The following AFAP1L2 variants were observed in gnomAD, a reference collection of about 807,000 sequenced individuals.
The protein encoded by AFAP1L2 is actin filament-associated protein 1-like 2.
In AFAP1L2, 46 loss-of-function variants were observed where a neutral mutation model predicts 99.3. That is an observed-to-expected ratio of 0.46 (90% CI 0.37 to 0.59). The LOEUF (loss-of-function observed/expected upper bound fraction) is 0.59. Ranked by LOEUF, AFAP1L2 falls within the 20% of genes least tolerant of loss-of-function variation. The pLI is 0.00. For synonymous variants in AFAP1L2, 397 were observed against 419.1 expected, an observed-to-expected ratio of 0.95 and a Z score of 0.64; for missense variants, 959 against 1,034.9, an observed-to-expected ratio of 0.93 and a Z score of 1.01.
chr10:114,342,040 G>T (rs767772142), intron 1 of AFAP1L2, among the ~76,000 whole-genome samples: 9 of 152,198 alleles, frequency 5.9e-5, no homozygotes, highest in Non-Finnish European at 1.3e-4. Flanking sequence ...CAAGTGTGAG[G>T]CTTGACCGCT....
intron 1 of AFAP1L2, among the ~76,000 whole-genome samples, chr10:114,350,413 G>C (rs1025670248): frequency 6.6e-6 from 1 of 152,158 alleles, no homozygotes; most frequent in African/African-American, 2.4e-5. Flanking sequence ...TATATCTTCT[G>C]GTTTGATTTC....
intron 7 of AFAP1L2, among the ~76,000 whole-genome samples, chr10:114,312,663 G>C (rs1046615978): frequency 6.6e-6 from 1 of 152,220 alleles, no homozygotes; most frequent in Non-Finnish European, 1.5e-5. Context: ...TGAACTCAGA[G>C]CCCTGGCTCT....
intron 1 of AFAP1L2, among the ~76,000 whole-genome samples, chr10:114,374,476 CGAGA>C (rs1434407895): frequency 1.3e-5 from 2 of 152,082 alleles, no homozygotes; most frequent in Non-Finnish European, 2.9e-5. Context: ...CCCAGCTGAG[CGAGA>C]GAGACTCCCC....
At chr10:114,322,462 T>C (rs1161445844) in intron 5 of AFAP1L2, among the ~76,000 whole-genome samples, 1 of 152,192 alleles carries the variant, frequency 6.6e-6, no homozygotes, top group Non-Finnish European at 1.5e-5. Flanking sequence ...CTTTTGCAGA[T>C]ACCATGTTCT....
the AFAP1L2 span, among the ~76,000 whole-genome samples, chr10:114,287,601 C>A: frequency 3.9e-5 from 6 of 152,268 alleles, no homozygotes; most frequent in African/African-American, 1.4e-4. Context: ...TCCTGTAAGG[C>A]GGAAGGACAG....
chr10:114,335,481 T>C (rs141377068), intron 2 of AFAP1L2, among the ~76,000 whole-genome samples: 2,032 of 151,788 alleles, frequency 0.013, 26 homozygotes, highest in Middle Eastern at 0.027. Context: ...GGTGTAGTGG[T>C]GGGCGCCTGT....
chr10:114,305,765 T>G (rs1243335178), intron 10 of AFAP1L2, among the ~76,000 whole-genome samples: 60 of 21,052 alleles, frequency 2.9e-3, no homozygotes, highest in South Asian at 5.7e-3. Flanking sequence ...CGTACAGGAC[T>G]GGTCGGGGCT....
chr10:114,333,687 T>C (rs1390937091), intron 2 of AFAP1L2, among the ~76,000 whole-genome samples: 1 of 152,150 alleles, frequency 6.6e-6, no homozygotes, highest in Non-Finnish European at 1.5e-5. Context: ...GCATGGTAGC[T>C]ATAATCCTAG....
chr10:114,282,476 A>G, the AFAP1L2 span: 2 of 1,562,032 alleles, frequency 1.3e-6, no homozygotes, highest in East Asian at 4.5e-5. Context: ...CTCCCCTTAC[A>G]CCTCTGATCT....
chr10:114,299,191 T>C, intron 16 of AFAP1L2, 69 bp downstream of exon 16: 1 of 1,581,842 alleles, frequency 6.3e-7, no homozygotes, highest in Non-Finnish European at 8.6e-7. Context: ...CAGCCAGATC[T>C]TCCGCCAAAA....
intron 6 of AFAP1L2, among the ~76,000 whole-genome samples, chr10:114,314,883 C>T (rs912279917): frequency 3.9e-5 from 6 of 152,314 alleles, no homozygotes; most frequent in Admixed American, 3.3e-4. Flanking sequence ...TGGCTCACGC[C>T]TGTAAACCCA....
rs550891333 is a variant in AFAP1L2, at chr10:114,296,637, G to A, written c.2430+341C>T. ...GTTTTAATGGTAGAAGTCCTGTGGA[G>A]TCACTGACTGACTTTTTGGTTTGAA... On this transcript the variant is annotated intron_variant, in intron 18 of 18. Transcript: ENST00000304129. 3.6e-4 allele frequency: 102 copies of A among 286,512 alleles called. 2 individuals carry two copies. In the South Asian group the frequency reaches 4.4e-3, roughly 12 times the overall value. The allele number at this position is 286,512 out of a possible 1,614,324, so 17.7% of individuals were successfully genotyped here.
intron 1 of AFAP1L2, among the ~76,000 whole-genome samples, chr10:114,371,154 G>A (rs1055272880): frequency 1.3e-5 from 2 of 152,198 alleles, no homozygotes; most frequent in African/African-American, 4.8e-5. Context: ...CCAAGCTGGA[G>A]CTGCTCCTTC....
chr10:114,302,391 C>A lies in AFAP1L2; in HGVS notation c.1378G>T (p.Val460Leu). 1 of 1,614,174 alleles carries A rather than the reference C, an allele frequency of 6.2e-7. No homozygotes were observed. Among genetic ancestry groups the A allele is most frequent in the Non-Finnish European group, 8.5e-7 (1 of 1,180,030 alleles). Residue 460 changes from valine to leucine, a missense_variant, in exon 12 of 19, where the codon GTG (valine) becomes TTG (leucine). Val to Leu is a conservative substitution (Grantham distance 32). Transcript: ENST00000304129. ...TDPEEFTYDY[V>L]DADRVSCIVS... ...ATACAGGAGACCCTATCGGCATCCA[C>A]ATAGTCGTAGGTGAACTCTTCTGGG...
At chr10:114,297,500 C>G in intron 16 of AFAP1L2, 87 bp from the exon 17 acceptor site, 1 of 1,373,104 alleles carries the variant, frequency 7.3e-7, no homozygotes, top group African/African-American at 1.4e-5. Context: ...GTCTACATAC[C>G]CCGCCACCCG....
Position 114,340,527 on chromosome 10 carries a change from C to G in AFAP1L2, c.145+76G>C, listed in dbSNP as rs1459002746. On this transcript the variant is annotated intron_variant, in intron 2 of 18. Coordinates refer to ENST00000304129, the MANE Select transcript of AFAP1L2 (RefSeq NM_001001936.3). ...ATAGCACCCAGCCTGTGATCCTTAGCTATGGCAGCCCGCACTGACTCACAA... is the reference window on the plus strand; with the variant it reads ...ATAGCACCCAGCCTGTGATCCTTAGGTATGGCAGCCCGCACTGACTCACAA... The G allele has an allele frequency of 9.2e-6, 14 of 1,517,196 alleles. 1 individual carries two copies. The South Asian group carries it at 1.8e-4, about 20-fold the overall frequency. The allele number at this position is 1,517,196 out of a possible 1,614,324, so 94.0% of individuals were successfully genotyped here. A position where few individuals can be genotyped will look rare whatever the true frequency, so the allele number is the denominator to read the frequency against.
At position 114,331,826 on chromosome 10, in the gene AFAP1L2, G is replaced by A; in HGVS notation, c.292C>T (p.Pro98Ser). 3 of 1,395,012 alleles carry A rather than the reference G, an allele frequency of 2.2e-6. No individual in the cohort carries two copies. Among genetic ancestry groups the A allele is most frequent in the Non-Finnish European group, 1.9e-6 (2 of 1,066,302 alleles). The allele number at this position is 1,395,012 out of a possible 1,614,324, so 86.4% of individuals were successfully genotyped here. Residue 98 changes from proline to serine, a missense_variant, in exon 4 of 19, where the codon CCA (proline) becomes TCA (serine). By Grantham distance (74) the Pro-to-Ser change is moderately conservative. This residue lies in a region of AFAP1L2 where 383 missense variants were observed against 472.8 expected (regional missense o/e 0.81). Coordinates refer to ENST00000304129, the MANE Select transcript of AFAP1L2 (RefSeq NM_001001936.3). ...ACCATCTTGGGTGGCGGGAGGTCTG[G>A]AAGGCTCTTCTGAGGGGCCGAGGAG... ...QHSSAPQKSL[P>S]DLPPPKMIPE... is the part of the protein sequence containing the mutation.
chr10:114,402,663 TGAGA>T (rs1474961049), intron 1 of AFAP1L2, among the ~76,000 whole-genome samples: 1 of 152,190 alleles, frequency 6.6e-6, no homozygotes, highest in South Asian at 2.1e-4. Context: ...TTTAAGCTCC[TGAGA>T]GAGAAAGATA....
intron 1 of AFAP1L2, among the ~76,000 whole-genome samples, chr10:114,373,560 G>A (rs1590680999): frequency 6.6e-6 from 1 of 152,286 alleles, no homozygotes; most frequent in East Asian, 1.9e-4. Flanking sequence ...AGGAGGTGGA[G>A]GTTGCAGTGA....
Sources: gnomAD v4.1 joint callset for allele counts (sites outside exome capture counted in the v4.1 genomes callset) on GRCh38, gnomAD v4.1.1 for gene constraint, gnomAD v4.1.1 regional missense constraint, MANE v1.5 for transcripts, NCBI Gene and HGNC (gene_info 2026-07-23, HGNC 2026-07-21) for gene names.